The following SRPK1 variants were observed in gnomAD, a reference collection of about 807,000 sequenced individuals.
The protein encoded by SRPK1 is SRSF protein kinase 1.
In SRPK1, 52 loss-of-function variants were observed where a neutral mutation model predicts 89.5. The observed-to-expected ratio is 0.58, with a 90% confidence interval of 0.46 to 0.73. The LOEUF is 0.73. Among genes scored for constraint, SRPK1 ranks in the 30% least tolerant of loss-of-function variants. The pLI is 0.00. For synonymous variants in SRPK1, 255 were observed against 270.2 expected (o/e 0.94, Z 0.55); for missense variants, 603 against 780.6 (o/e 0.77, Z 2.71).
At chr6:35,919,183 A>G (rs1771174024) in intron 2 of SRPK1, among the ~76,000 whole-genome samples, 1 of 152,260 alleles carries the variant, frequency 6.6e-6, no homozygotes, top group Admixed American at 6.5e-5. Context: ...ATCCAAAGGT[A>G]AACAGACACA....
chr6:35,836,053 AC>A (rs1183944848), intron 15 of SRPK1, among the ~76,000 whole-genome samples: 1 of 151,866 alleles, frequency 6.6e-6, no homozygotes, highest in East Asian at 1.9e-4. Context: ...CTATACCAAT[AC>A]CCCCTATGGT....
intron 11 of SRPK1, 164 bp from the exon 12 acceptor site, chr6:35,869,274 T>A: frequency 1.1e-6 from 1 of 875,942 alleles, no homozygotes; most frequent in Admixed American, 2.9e-5. Flanking sequence ...GTTTCCAGAA[T>A]TAAAAACCTC....
chr6:35,872,509 TA>T (rs1770054475), intron 8 of SRPK1, 53 bp downstream of exon 8: 1 of 1,473,546 alleles, frequency 6.8e-7, no homozygotes, highest in East Asian at 2.5e-5. Flanking sequence ...AGAATAAAAA[TA>T]GAAATTTCTT....
At position 35,833,969 on chromosome 6, in the gene SRPK1, G is replaced by A. The variant is rs1449642223; in HGVS notation, c.*1335C>T. ...TTGCTCTTCAGTATTACTTACTGGA[G>A]GAATATGTAATATTCTAGGTCAAGT... is the stretch of plus-strand genomic sequence containing the variant. On this transcript the variant is annotated 3_prime_UTR_variant, in exon 16 of 16. Transcript: ENST00000373825. 3 of 152,006 alleles carry A rather than the reference G, an allele frequency of 2.0e-5. No individual in the cohort carries two copies. Among genetic ancestry groups the A allele is most frequent in the Non-Finnish European group, 4.4e-5 (3 of 67,990 alleles). 9.4% of individuals were successfully genotyped at this position (152,006 alleles called of 1,614,324 possible).
intron 12 of SRPK1, among the ~76,000 whole-genome samples, chr6:35,862,088 C>T (rs936070220): frequency 3.9e-5 from 6 of 152,104 alleles, no homozygotes; most frequent in African/African-American, 1.4e-4. Flanking sequence ...ACAACAACAA[C>T]AACAACAACA....
chr6:35,889,984 TG>T (rs1307190217), intron 3 of SRPK1, among the ~76,000 whole-genome samples: 2 of 150,970 alleles, frequency 1.3e-5, no homozygotes, highest in African/African-American at 4.9e-5. Context: ...GGCGGGCGCC[TG>T]TAGTCCCAGC....
chr6:35,915,339 G>GGA (rs1197442176), intron 2 of SRPK1, among the ~76,000 whole-genome samples: 1 of 150,698 alleles, frequency 6.6e-6, no homozygotes, highest in African/African-American at 2.4e-5. Flanking sequence ...CCCGGGAGGG[G>GGA]GAGCTTGCAG....
At chr6:35,874,907 T>C (rs1770121089) in intron 6 of SRPK1, among the ~76,000 whole-genome samples, 2 of 152,236 alleles carry the variant, frequency 1.3e-5, no homozygotes, top group Non-Finnish European at 2.9e-5. Context: ...TGCCACCATG[T>C]GTTGTCCTTA....
chr6:35,907,666 T>C (rs1351625764), intron 2 of SRPK1, among the ~76,000 whole-genome samples: 5 of 151,164 alleles, frequency 3.3e-5, no homozygotes, highest in Non-Finnish European at 4.4e-5. Context: ...GATTGCACCA[T>C]TGCACTCCAG....
chr6:35,838,891 T>A, intron 14 of SRPK1: 1 of 1,228,050 alleles, frequency 8.1e-7, no homozygotes, highest in Non-Finnish European at 1.1e-6. Context: ...TGTTTAAAAG[T>A]AACTACAAAT....
chr6:35,902,333 A>G (rs2127264045), intron 2 of SRPK1, among the ~76,000 whole-genome samples: 1 of 152,108 alleles, frequency 6.6e-6, no homozygotes, highest in Middle Eastern at 3.4e-3. Flanking sequence ...GGATCCCTTG[A>G]GCCCAGCAGT....
chr6:35,880,077 A>G (rs1332826009), intron 6 of SRPK1, among the ~76,000 whole-genome samples: 2 of 64,858 alleles, frequency 3.1e-5, no homozygotes, highest in Non-Finnish European at 6.8e-5. Flanking sequence ...CTTGTCTCAG[A>G]AAAAAAAAAA....
intron 2 of SRPK1, among the ~76,000 whole-genome samples, chr6:35,900,460 G>A (rs563324078): frequency 3.3e-5 from 5 of 152,318 alleles, no homozygotes; most frequent in Admixed American, 2.0e-4. Context: ...ATGCAGCTGT[G>A]AGCAAGTATA....
chr6:35,874,045 T>C (rs549840404), intron 7 of SRPK1, among the ~76,000 whole-genome samples, 188 bp downstream of exon 7: 1 of 151,484 alleles, frequency 6.6e-6, no homozygotes, highest in Non-Finnish European at 1.5e-5. Flanking sequence ...GCCAGGATGG[T>C]CTTGATCTCC....
chr6:35,844,445 G>A (rs919962833), intron 13 of SRPK1, among the ~76,000 whole-genome samples: 2 of 152,066 alleles, frequency 1.3e-5, no homozygotes, highest in African/African-American at 2.4e-5. Context: ...ACTTAGTTGG[G>A]GCATATTCTC....
At chr6:35,915,997 T>C (rs74867713) in intron 2 of SRPK1, among the ~76,000 whole-genome samples, 1,174 of 90,112 alleles carry the variant, frequency 0.013, 34 homozygotes, top group Non-Finnish European at 0.016. Flanking sequence ...AAAAAATATA[T>C]ACACACACAC....
At chr6:35,898,726 C>T (rs1770676186) in intron 2 of SRPK1, among the ~76,000 whole-genome samples, 1 of 151,758 alleles carries the variant, frequency 6.6e-6, no homozygotes, top group African/African-American at 2.4e-5. Context: ...AACGAGACTC[C>T]ATCTCAAAAA....
At chr6:35,919,529 TTAA>T (rs1351780078) in intron 2 of SRPK1, among the ~76,000 whole-genome samples, 1 of 152,216 alleles carries the variant, frequency 6.6e-6, no homozygotes, top group African/African-American at 2.4e-5. Flanking sequence ...TTAAGATGTA[TTAA>T]TAACTAGGCA....
intron 7 of SRPK1, 43 bp downstream of exon 7, chr6:35,874,190 T>C (rs774327701): frequency 2.8e-6 from 4 of 1,446,806 alleles, no homozygotes; most frequent in South Asian, 1.2e-5. Flanking sequence ...AAAAAATCAC[T>C]ACATAGTCAA....
Sources: allele counts gnomAD v4.1 joint callset (sites outside exome capture counted in the v4.1 genomes callset), GRCh38; gene constraint gnomAD v4.1.1; transcripts MANE v1.5; gene names NCBI Gene and HGNC (gene_info 2026-07-23, HGNC 2026-07-21).